RPS6KA2: variants seen among roughly 807,000 people sequenced by gnomAD.
The protein encoded by RPS6KA2 is ribosomal protein S6 kinase alpha-2.
RPS6KA2 carries 42 observed loss-of-function variants against 91.8 expected under a neutral mutation model. The ratio of observed to expected loss-of-function variants is 0.46; its 90% CI spans 0.36 to 0.59. The LOEUF (loss-of-function observed/expected upper bound fraction) is 0.59, where lower values mean the gene tolerates loss of function less well. RPS6KA2 is among the 20% of genes least tolerant of loss of function. The pLI is 0.00. For synonymous variants in RPS6KA2, 414 were observed against 393.6 expected, an observed-to-expected ratio of 1.05 and a Z score of -0.61; for missense variants, 798 against 978.5, an observed-to-expected ratio of 0.82 and a Z score of 2.46.
chr6:166,534,221 CAAAAAAAAAAAA>C (rs34585369), intron 2 of RPS6KA2, among the ~76,000 whole-genome samples: 6 of 59,342 alleles, frequency 1.0e-4, no homozygotes, highest in Admixed American at 4.8e-4. Context: ...GACTCTGTCT[CAAAAAAAAAAAA>C]AAAAAAAAAA....
At chr6:166,793,326 A>G (rs1413514816) in intron 2 of RPS6KA2, among the ~76,000 whole-genome samples, 1 of 145,568 alleles carries the variant, frequency 6.9e-6, no homozygotes, top group African/African-American at 2.6e-5. Context: ...AAGGAGAACT[A>G]CAAACCACTG....
intron 10 of RPS6KA2, among the ~76,000 whole-genome samples, chr6:166,480,479 T>TTATATA (rs3066214): frequency 0.028 from 2,817 of 99,498 alleles, 49 homozygotes; most frequent in African/African-American, 0.036. Flanking sequence ...GATTGTGATT[T>TTATATA]TATATATATA....
chr6:166,581,413 T>G (rs984077803), intron 1 of RPS6KA2, among the ~76,000 whole-genome samples: 1 of 152,104 alleles, frequency 6.6e-6, no homozygotes, highest in Non-Finnish European at 1.5e-5. Context: ...GTGCTTTGCT[T>G]CTCAGGGAGG....
Position 166,603,375 on chromosome 6 carries a change from G to A in RPS6KA2, c.99+23546C>T, listed in dbSNP as rs147803223. On this transcript the variant is annotated intron_variant, in intron 1 of 20. Coordinates refer to ENST00000265678, the MANE Select transcript of RPS6KA2 (RefSeq NM_021135.6). The surrounding 1 kb of genome is among the most constrained non-coding windows in gnomAD (Gnocchi z 4.3). ...GGAACTCAGCGCAGCCTCAGAGTGC[G>A]TGGGGTGGGGCAGAGCTCTGGGAGG... 8.2e-4 allele frequency among the ~76,000 whole-genome samples: 125 copies of A among 152,288 alleles called. No homozygotes were observed. Among genetic ancestry groups the A allele is most frequent in the Middle Eastern group, 6.8e-3 (2 of 292 alleles).
intron 2 of RPS6KA2, among the ~76,000 whole-genome samples, chr6:166,745,136 G>A (rs1174200500): frequency 6.7e-6 from 1 of 148,384 alleles, no homozygotes; most frequent in Non-Finnish European, 1.5e-5. Context: ...GTGTGTCTGT[G>A]TCCTAATCGG....
chr6:166,783,830 ACGTG>A lies in RPS6KA2; in HGVS notation c.123+74366_123+74369del, dbSNP rs1562437231. ...CAGTTACCTGTAACCACATATGCAC[ACGTG>A]CACACCTATCTATACCACATATGCA... On this transcript the variant is annotated intron_variant, in intron 2 of 21. Transcript: ENST00000503859. Among the ~76,000 whole-genome samples, 10 of 78,982 alleles carry A rather than the reference ACGTG, an allele frequency of 1.3e-4. 2 individuals are homozygous for A. The highest frequency in any genetic ancestry group is 5.2e-4 in the East Asian group (1 of 1,910). 51.8% of individuals were successfully genotyped at this position (78,982 alleles called of 152,430 possible). A position where few individuals can be genotyped will look rare whatever the true frequency, so the allele number is the denominator to read the frequency against.
In RPS6KA2 at chr6:166,533,132, C is replaced by T. The variant is rs1372799478; in HGVS notation, c.217-1819G>A. ...CAGTGGTCTGAGGACAGGATTTTTA[C>T]AGAGAGAAAAACATTAGTGCTTAAC... is the stretch of plus-strand genomic sequence containing the variant. On this transcript the variant is annotated intron_variant, in intron 2 of 20. Transcript: ENST00000265678. The surrounding 1 kb of genome is among the most constrained non-coding windows in gnomAD (Gnocchi z 4.0). Among the ~76,000 whole-genome samples the T allele has an allele frequency of 6.6e-6, 1 of 152,222 alleles. No homozygotes were observed. Among genetic ancestry groups the T allele is most frequent in the Non-Finnish European group, 1.5e-5 (1 of 68,034 alleles).
chr6:166,425,010 C>G (rs1301162661), intron 16 of RPS6KA2, among the ~76,000 whole-genome samples: 1 of 152,074 alleles, frequency 6.6e-6, no homozygotes, highest in African/African-American at 2.4e-5. Flanking sequence ...CCTTCTTTAC[C>G]TAAAAGGAGG....
chr6:166,572,923 G>A (rs896796092), intron 1 of RPS6KA2, among the ~76,000 whole-genome samples: 5 of 152,268 alleles, frequency 3.3e-5, no homozygotes, highest in Admixed American at 1.3e-4. Flanking sequence ...CAGGAATGCA[G>A]CTCATGAGGT....
intron 2 of RPS6KA2, among the ~76,000 whole-genome samples, chr6:166,842,675 C>A (rs895932403): frequency 3.3e-5 from 5 of 152,256 alleles, no homozygotes; most frequent in African/African-American, 9.6e-5. Context: ...TCACGTCCCA[C>A]AACTTGTGTC....
At chr6:166,790,805 A>G (rs7769971) in intron 2 of RPS6KA2, among the ~76,000 whole-genome samples, 3,152 of 152,254 alleles carry the variant, frequency 0.021, 86 homozygotes, top group African/African-American at 0.068. Flanking sequence ...TTACAGACAA[A>G]CAAATGCTGA....
At chr6:166,859,301 C>T (rs141213738) in intron 1 of RPS6KA2, among the ~76,000 whole-genome samples, 1 of 152,318 alleles carries the variant, frequency 6.6e-6, no homozygotes, top group Non-Finnish European at 1.5e-5. Flanking sequence ...TAAAATGGGT[C>T]AGCCAGACCT....
intron 5 of RPS6KA2, among the ~76,000 whole-genome samples, chr6:166,506,620 A>G (rs1782235334): frequency 2.0e-5 from 3 of 152,190 alleles, no homozygotes; most frequent in Admixed American, 2.0e-4. Context: ...GGAGCCCCAC[A>G]GAAACGTGCA....
chr6:166,690,665 G>A lies in RPS6KA2; in HGVS notation c.124-151881C>T, dbSNP rs1236020669. Among the ~76,000 whole-genome samples, 6 of 152,288 alleles carry A rather than the reference G, an allele frequency of 3.9e-5. No homozygotes were observed. In the East Asian group the frequency reaches 7.7e-4, roughly 20 times the overall value. On this transcript the variant is annotated intron_variant, in intron 2 of 21. Coordinates refer to the RPS6KA2 transcript ENST00000503859. ...CCGCTCCCTGGGGGCAGGAGGGGAC[G>A]GGGGCTCAGCTCTGCAGGTCCACAG...
chr6:166,764,456 C>T (rs917507247), intron 2 of RPS6KA2, among the ~76,000 whole-genome samples: 3 of 152,048 alleles, frequency 2.0e-5, no homozygotes, highest in Admixed American at 6.5e-5. Context: ...ACGGGGCCCG[C>T]GCTTCCCTCC....
chr6:166,673,881 CTTTGA>C (rs1358130846), intron 2 of RPS6KA2, among the ~76,000 whole-genome samples: 2 of 152,208 alleles, frequency 1.3e-5, no homozygotes, highest in Admixed American at 6.5e-5. Context: ...TTAAAAATAG[CTTTGA>C]TTTGTTATCC....
intron 1 of RPS6KA2, among the ~76,000 whole-genome samples, chr6:166,544,393 C>T (rs549909722): frequency 2.0e-5 from 3 of 152,258 alleles, no homozygotes; most frequent in African/African-American, 4.8e-5. Flanking sequence ...GCTCCATCTG[C>T]GGCACGACTC....
chr6:166,638,031 G>T (rs761432395), intron 2 of RPS6KA2, among the ~76,000 whole-genome samples: 1 of 152,366 alleles, frequency 6.6e-6, no homozygotes, highest in South Asian at 2.1e-4. Flanking sequence ...GCCAGCCTTC[G>T]CCCAGGGGCA....
At position 166,626,927 on chromosome 6, in the gene RPS6KA2, C is replaced by G. The variant is rs754705526; in HGVS notation, c.93G>C (p.Arg31=). 4.6e-5 allele frequency: 70 copies of G among 1,532,304 alleles called. No individual in the cohort carries two copies. In the African/African-American group the frequency reaches 8.4e-4, roughly 18 times the overall value. The allele number at this position is 1,532,304 out of a possible 1,614,324, so 94.9% of individuals were successfully genotyped here. The change falls in exon 1 of 21, where the codon CGG becomes CGC. Residue 31 remains arginine (R), a synonymous_variant. Transcript: ENST00000265678. This position sits in a 1 kb window ranked among gnomAD's most constrained non-coding sequence, Gnocchi z 4.1. ...KSRSKSSSLS[R]LEEEGVVKEI... The stretch of plus-strand genomic sequence containing the variant: ...CCGAGGGCGGCCGCATTACCTCGAG[C>G]CGGCTCAGGCTGGAGCTCTTGGAGC...
Sources: allele counts gnomAD v4.1 joint callset (sites outside exome capture counted in the v4.1 genomes callset), GRCh38; gene constraint gnomAD v4.1.1; non-coding constraint Gnocchi (gnomAD v3.1); transcripts MANE v1.5; gene names NCBI Gene and HGNC (gene_info 2026-07-23, HGNC 2026-07-21).